SIGLECL1: variants seen among roughly 807,000 people sequenced by gnomAD.
SIGLECL1 encodes SIGLEC family like 1.
In SIGLECL1, 16 loss-of-function variants were observed where a neutral mutation model predicts 19.1. The ratio of observed to expected loss-of-function variants is 0.84; its 90% CI spans 0.57 to 1.27. SIGLECL1 has a LOEUF of 1.27. Among genes scored for constraint, SIGLECL1 ranks in the 50% most tolerant of loss-of-function variants. The pLI is 0.00. For missense variants in SIGLECL1, 210 were observed against 239.4 expected (o/e 0.88, Z 0.81); for synonymous variants, 89 against 90.4 (o/e 0.98, Z 0.09).
intron 1 of SIGLECL1, among the ~76,000 whole-genome samples, chr19:51,255,263 G>GA (rs113540507): frequency 0.023 from 2,141 of 92,566 alleles, 61 homozygotes; most frequent in African/African-American, 0.063. Context: ...CCTGTCTCAA[G>GA]AAAAAAAAAA....
chr19:51,262,451 T>G (rs1436109318), intron 1 of SIGLECL1, among the ~76,000 whole-genome samples: 1 of 152,250 alleles, frequency 6.6e-6, no homozygotes, highest in African/African-American at 2.4e-5. Context: ...AATAACCTAG[T>G]GAATAACCTA....
rs758744287 is a variant in SIGLECL1, at chr19:51,265,444, C to A, written c.99C>A (p.Pro33=). The A allele has an allele frequency of 8.7e-6, 14 of 1,614,042 alleles. No individual in the cohort carries two copies. Among genetic ancestry groups the A allele is most frequent in the African/African-American group, 1.3e-5 (1 of 74,918 alleles). ...LQCSCSFHGI[P]TPSVQWWMGG... ...GCAGCTGTTCCTTCCATGGGATTCC[C>A]ACACCCTCTGTGCAGTGGTGGATGG... Residue 33 remains proline (P), a synonymous_variant, in exon 3 of 6, where the codon CCC becomes CCA. Transcript: ENST00000601727.
rs555449153 is a variant in SIGLECL1, at chr19:51,265,610, C to T, written c.265C>T (p.Gln89Ter). ...GAGACTTCTCTGTGAGGGGAAGAACCAAAACGGAACCCATGCTTTGAGCAT... is the reference window on the plus strand; with the variant it reads ...GAGACTTCTCTGTGAGGGGAAGAACTAAAACGGAACCCATGCTTTGAGCAT... The part of the protein sequence containing the change: ...GMRLLCEGKN[Q>*]NGTHALSILL... The change falls in exon 3 of 6, where the codon CAA becomes TAA. Residue 89 changes from glutamine (Q) to a stop codon, truncating the protein, a stop_gained. Coordinates refer to ENST00000601727, the MANE Select transcript of SIGLECL1 (RefSeq NM_001385465.1). LOFTEE classifies it high-confidence loss of function. The T allele has an allele frequency of 6.2e-7, 1 of 1,614,086 alleles. No individual in the cohort carries two copies. The highest frequency in any genetic ancestry group is 1.1e-5 in the South Asian group (1 of 91,072).
intron 1 of SIGLECL1, among the ~76,000 whole-genome samples, chr19:51,259,971 A>C (rs1034207223): frequency 6.6e-6 from 1 of 152,246 alleles, no homozygotes; most frequent in African/African-American, 2.4e-5. Context: ...ATACTGAGGA[A>C]GGCAAAAACA....
chr19:51,253,770 C>T (rs774522999), intron 1 of SIGLECL1, among the ~76,000 whole-genome samples: 15 of 152,096 alleles, frequency 9.9e-5, no homozygotes, highest in Non-Finnish European at 1.6e-4. Context: ...AAAAAGACAC[C>T]ACAGTTGTAG....
chr19:51,252,487 T>C (rs1268546443), intron 1 of SIGLECL1, among the ~76,000 whole-genome samples: 1 of 152,116 alleles, frequency 6.6e-6, no homozygotes. Context: ...GGAAAATACT[T>C]GACCACAGTT....
rs763101383 is a variant in SIGLECL1 at position 51,269,060 on chromosome 19, T to G, written c.*463T>G. 7.4e-5 allele frequency: 12 copies of G among 162,658 alleles called. No homozygotes were observed. Among genetic ancestry groups the G allele is most frequent in the Non-Finnish European group, 2.7e-5 (2 of 74,082 alleles). The allele number at this position is 162,658 out of a possible 1,614,324, so 10.1% of individuals were successfully genotyped here. Reference sequence around the variant, plus strand: ...GGTGGCTGTCTATCTTTGGACAAGATCTTTCATTCCCCATCCTTTGAACAT... The same window carrying G: ...GGTGGCTGTCTATCTTTGGACAAGAGCTTTCATTCCCCATCCTTTGAACAT... On this transcript the variant is annotated 3_prime_UTR_variant, in exon 6 of 6. Coordinates refer to ENST00000601727, the MANE Select transcript of SIGLECL1 (RefSeq NM_001385465.1).
chr19:51,263,681 A>G (rs1379012454), intron 1 of SIGLECL1, among the ~76,000 whole-genome samples: 1 of 152,138 alleles, frequency 6.6e-6, no homozygotes, highest in East Asian at 1.9e-4. Flanking sequence ...TCGCTTGAAC[A>G]TGGGAGATGG....
intron 4 of SIGLECL1, among the ~76,000 whole-genome samples, chr19:51,266,515 A>C (rs1168147769): frequency 1.5e-5 from 1 of 68,548 alleles, no homozygotes; most frequent in Non-Finnish European, 3.0e-5. Flanking sequence ...TCCAAAATCT[A>C]AAAAAAAAAA....
intron 1 of SIGLECL1, among the ~76,000 whole-genome samples, chr19:51,254,110 G>A (rs1260088829): frequency 1.3e-5 from 2 of 152,086 alleles, no homozygotes; most frequent in African/African-American, 4.8e-5. Flanking sequence ...CTTAAGCCCA[G>A]GAGTTCAAAA....
intron 1 of SIGLECL1, among the ~76,000 whole-genome samples, chr19:51,257,318 A>T (rs1982876961): frequency 6.6e-6 from 1 of 151,552 alleles, no homozygotes; most frequent in Non-Finnish European, 1.5e-5. Flanking sequence ...AGGTGGGAAG[A>T]TTGCTTGAGC....
At chr19:51,254,561 A>G (rs1982689085) in intron 1 of SIGLECL1, among the ~76,000 whole-genome samples, 1 of 152,204 alleles carries the variant, frequency 6.6e-6, no homozygotes, top group South Asian at 2.1e-4. Flanking sequence ...CATTTCATTT[A>G]TATACAATGT....
Position 51,269,255 on chromosome 19 carries a change from G to T in SIGLECL1, c.*658G>T, listed in dbSNP as rs1983886784. Reference sequence around the variant, plus strand: ...AGAATGTAAGTTCCAAGAGAACAGGGACTTTGTCTGCCTTGTTTTCTACTT... The same window carrying T: ...AGAATGTAAGTTCCAAGAGAACAGGTACTTTGTCTGCCTTGTTTTCTACTT... On this transcript the variant is annotated 3_prime_UTR_variant, in exon 6 of 6. Transcript: ENST00000601727. 1 of 152,180 alleles carries T rather than the reference G, an allele frequency of 6.6e-6. No individual in the cohort carries two copies. The highest frequency in any genetic ancestry group is 1.5e-5 in the Non-Finnish European group (1 of 68,034). 9.4% of individuals were successfully genotyped at this position (152,180 alleles called of 1,614,324 possible). A position where few individuals can be genotyped will look rare whatever the true frequency, so the allele number is the denominator to read the frequency against.
chr19:51,267,669 C>T (rs1983781856), intron 5 of SIGLECL1, 140 bp downstream of exon 5: 6 of 932,112 alleles, frequency 6.4e-6, no homozygotes, highest in Admixed American at 2.6e-5. Context: ...GCTTTCAGGT[C>T]ATTTTATAAA....
At chr19:51,252,883 G>A (rs1029074750) in intron 1 of SIGLECL1, among the ~76,000 whole-genome samples, 2 of 152,074 alleles carry the variant, frequency 1.3e-5, no homozygotes, top group Non-Finnish European at 1.5e-5. Flanking sequence ...CCAGCACTTT[G>A]GGAGGCTGAG....
At chr19:51,250,490 T>C (rs979961405), upstream of SIGLECL1, among the ~76,000 whole-genome samples, 4 of 152,216 alleles carry the variant, frequency 2.6e-5, no homozygotes, top group Non-Finnish European at 5.9e-5. Context: ...CTTAGCCCTC[T>C]GGGAATGCAG....
At chr19:51,248,292 T>TA (rs1218342718), upstream of SIGLECL1, among the ~76,000 whole-genome samples, 1 of 152,228 alleles carries the variant, frequency 6.6e-6, no homozygotes, top group Non-Finnish European at 1.5e-5. Context: ...TTAAACATTA[T>TA]ACCCGATCAA....
At chr19:51,258,597 C>T (rs1484230817) in intron 1 of SIGLECL1, among the ~76,000 whole-genome samples, 1 of 152,196 alleles carries the variant, frequency 6.6e-6, no homozygotes, top group Non-Finnish European at 1.5e-5. Context: ...GATGCTGGCC[C>T]AATCTTGGGC....
intron 2 of SIGLECL1, chr19:51,264,333 G>A: frequency 2.1e-6 from 1 of 477,964 alleles, no homozygotes; most frequent in Non-Finnish European, 3.8e-6. Context: ...TAGGTGCTAT[G>A]AAGGCATGAG....
Sources: allele counts gnomAD v4.1 joint callset (sites outside exome capture counted in the v4.1 genomes callset), GRCh38; gene constraint gnomAD v4.1.1; transcripts MANE v1.5; gene names NCBI Gene and HGNC (gene_info 2026-07-23, HGNC 2026-07-21).